Variants in HDX observed in about 807,000 individuals in gnomAD.
HDX encodes highly divergent homeobox.
In HDX, 19 loss-of-function variants were observed where a neutral mutation model predicts 45.2. The observed-to-expected ratio is 0.42, with a 90% CI of 0.29 to 0.62. The LOEUF is 0.62. Among genes scored for constraint, HDX ranks in the 20% least tolerant of loss-of-function variants. The pLI, the probability that HDX is intolerant of heterozygous loss-of-function variation, is 0.20. For missense variants in HDX, 532 were observed against 493.9 expected (o/e 1.08, Z -0.73); for synonymous variants, 188 against 172.8 (o/e 1.09, Z -0.69).
intron 5 of HDX, among the ~76,000 whole-genome samples, chrX:84,372,625 T>C (rs1225031463): frequency 8.9e-6 from 1 of 112,103 alleles, no homozygotes; most frequent in Non-Finnish European, 1.9e-5. Context: ...GTTCTTACAG[T>C]TTTAAAAAAT....
At chrX:84,395,748 T>C (rs1256670501) in intron 5 of HDX, among the ~76,000 whole-genome samples, 2 of 112,041 alleles carry the variant, frequency 1.8e-5, no homozygotes, top group Non-Finnish European at 3.8e-5. Flanking sequence ...ATATGTAATG[T>C]AGGCTTTGTT....
chrX:84,434,953 C>T (rs1263614244), intron 5 of HDX, among the ~76,000 whole-genome samples: 1 of 110,425 alleles, frequency 9.1e-6, no homozygotes, highest in African/African-American at 3.3e-5. Context: ...AATTTTTAGG[C>T]ATGTTGCTGT....
chrX:84,391,673 T>G (rs979642963), intron 5 of HDX, among the ~76,000 whole-genome samples: 16 of 111,824 alleles, frequency 1.4e-4, no homozygotes, highest in Non-Finnish European at 2.6e-4. Flanking sequence ...CATCATGGTT[T>G]TGTTTTGCAT....
chrX:84,382,594 A>G (rs1026324856), intron 5 of HDX, among the ~76,000 whole-genome samples: 2 of 111,890 alleles, frequency 1.8e-5, no homozygotes, highest in African/African-American at 6.5e-5. Flanking sequence ...AGCCAGACAC[A>G]GAAAGACAAA....
intron 5 of HDX, among the ~76,000 whole-genome samples, chrX:84,417,252 G>GAAAGAA (rs746755888): frequency 1.8e-5 from 2 of 109,868 alleles, no homozygotes; most frequent in Admixed American, 9.7e-5. Context: ...AAGAAAGAAA[G>GAAAGAA]AGAAAGTCCC....
intron 5 of HDX, among the ~76,000 whole-genome samples, chrX:84,410,829 T>C (rs138415982): frequency 0.014 from 1,586 of 111,803 alleles, 7 homozygotes; most frequent in Non-Finnish European, 0.023. Context: ...TTTCTATTAC[T>C]GATTCAATTT....
intron 4 of HDX, among the ~76,000 whole-genome samples, chrX:84,457,673 G>A (rs776788560): frequency 9.9e-5 from 11 of 111,580 alleles, no homozygotes; most frequent in African/African-American, 3.2e-4. Context: ...ACAAGAAAAT[G>A]GGGCATACTA....
chrX:84,429,499 A>G (rs2039455866), intron 5 of HDX, among the ~76,000 whole-genome samples: 1 of 110,801 alleles, frequency 9.0e-6, no homozygotes, highest in Admixed American at 9.6e-5. Flanking sequence ...TAAACACACA[A>G]TTGGTTTTTG....
chrX:84,386,097 G>C (rs1012190974), intron 5 of HDX, among the ~76,000 whole-genome samples: 2 of 110,457 alleles, frequency 1.8e-5, no homozygotes, highest in African/African-American at 6.6e-5. Flanking sequence ...CTTTTTATGT[G>C]TATATTGAGA....
At chrX:84,348,541 C>A (rs1275431512) in intron 6 of HDX, among the ~76,000 whole-genome samples, 4 of 111,068 alleles carry the variant, frequency 3.6e-5, no homozygotes, top group African/African-American at 1.3e-4. Context: ...TTGTTTTTTG[C>A]CTTTTGTTAT....
chrX:84,483,246 G>A (rs2040726052), intron 2 of HDX, among the ~76,000 whole-genome samples: 1 of 111,849 alleles, frequency 8.9e-6, no homozygotes, highest in Admixed American at 9.4e-5. Context: ...TATCTGTGTT[G>A]GGGCTCCAAC....
chrX:84,373,809 T>C (rs981559577), intron 5 of HDX, among the ~76,000 whole-genome samples: 2 of 111,311 alleles, frequency 1.8e-5, no homozygotes, highest in African/African-American at 6.5e-5. Context: ...ATCATACTGA[T>C]TGTGCAAAAA....
At chrX:84,356,910 C>T (rs1391062179) in intron 6 of HDX, among the ~76,000 whole-genome samples, 1 of 110,605 alleles carries the variant, frequency 9.0e-6, no homozygotes, top group Non-Finnish European at 1.9e-5. Flanking sequence ...CGTGAGCCAC[C>T]GCGCCCGGCC....
At chrX:84,471,377 G>A (rs2040453903) in intron 3 of HDX, among the ~76,000 whole-genome samples, 2 of 106,969 alleles carry the variant, frequency 1.9e-5, no homozygotes, top group Non-Finnish European at 3.8e-5. Context: ...AATCTATAAA[G>A]GATCTATAAT....
chrX:84,489,205 G>A (rs2040849610), intron 1 of HDX, among the ~76,000 whole-genome samples: 1 of 111,228 alleles, frequency 9.0e-6, no homozygotes, highest in Non-Finnish European at 1.9e-5. Context: ...ATCTATAGTA[G>A]TTAAAATGGC....
At chrX:84,443,408 G>A (rs1468915771) in intron 4 of HDX, among the ~76,000 whole-genome samples, 1 of 111,503 alleles carries the variant, frequency 9.0e-6, no homozygotes, top group Non-Finnish European at 1.9e-5. Context: ...GGAAAACTAT[G>A]AAATAAATCT....
intron 5 of HDX, among the ~76,000 whole-genome samples, chrX:84,370,468 C>G (rs918844852): frequency 1.8e-5 from 2 of 111,931 alleles, no homozygotes; most frequent in Non-Finnish European, 3.8e-5. Flanking sequence ...GAAATTTATT[C>G]TTGAAAAGAA....
chrX:84,406,405 GAC>G (rs200049231), intron 5 of HDX, among the ~76,000 whole-genome samples: 7,446 of 107,191 alleles, frequency 0.069, 319 homozygotes, highest in African/African-American at 0.16. Context: ...GTTTAAATAA[GAC>G]AGCAAGGAAA....
At chrX:84,444,198 A>G (rs1037294770) in intron 4 of HDX, among the ~76,000 whole-genome samples, 3 of 111,048 alleles carry the variant, frequency 2.7e-5, no homozygotes, top group African/African-American at 9.8e-5. Context: ...GTATTTGGGG[A>G]ATGGTCAGTT....
Sources: allele counts gnomAD v4.1 joint callset (sites outside exome capture counted in the v4.1 genomes callset), GRCh38; gene constraint gnomAD v4.1.1; transcripts MANE v1.5; gene names NCBI Gene and HGNC (gene_info 2026-07-23, HGNC 2026-07-21).